The following LRP4 variants were observed in gnomAD, a reference collection of about 807,000 sequenced individuals.
LRP4 encodes LDL receptor related protein 4.
In LRP4, 95 loss-of-function variants were observed where a neutral mutation model predicts 220.3. The observed-to-expected ratio is 0.43, with a 90% CI of 0.37 to 0.51. LRP4 has a LOEUF of 0.51. Among genes scored for constraint, LRP4 ranks in the 20% least tolerant of loss-of-function variants. The probability of loss-of-function intolerance (pLI) is 0.00; values close to 1 mark genes in which losing one functional copy is unlikely to be tolerated. For missense variants in LRP4, 1,925 were observed against 2,567.0 expected (o/e 0.75, Z 5.40); for synonymous variants, 903 against 954.6 (o/e 0.95, Z 1.00).
chr11:46,879,258 T>C lies in LRP4; in HGVS notation c.2872A>G (p.Ile958Val). Residue 958 changes from isoleucine to valine, a missense_variant, in exon 21 of 38, where the codon ATC becomes GTC. Ile to Val is a conservative substitution (Grantham distance 29). This residue lies in a region of LRP4 where 1,244 missense variants were observed against 1,624.9 expected (regional missense o/e 0.77). Coordinates refer to ENST00000378623, the MANE Select transcript of LRP4 (RefSeq NM_002334.4). ...TTGGTCTGCCAGTCAGTCCAATAGA[T>C]GCGCTCTCCATAGAGGGTCAGCCCA... is the stretch of plus-strand genomic sequence containing the variant. ...PFGLTLYGERIYWTDWQTKSI... is the reference protein window; with the variant it reads ...PFGLTLYGERVYWTDWQTKSI... 1 of 1,614,232 alleles carries C rather than the reference T, an allele frequency of 6.2e-7. No individual in the cohort carries two copies. The highest frequency in any genetic ancestry group is 1.1e-5 in the South Asian group (1 of 91,078).
chr11:46,892,126 C>T (rs1941435257), intron 13 of LRP4, among the ~76,000 whole-genome samples: 2 of 151,860 alleles, frequency 1.3e-5, no homozygotes, highest in Admixed American at 6.6e-5. Flanking sequence ...AGAGATGAGG[C>T]CACACTATGT....
intron 2 of LRP4, 100 bp downstream of exon 2, chr11:46,902,683 C>T (rs572152314): frequency 3.5e-6 from 5 of 1,416,662 alleles, no homozygotes; most frequent in South Asian, 2.3e-5. Context: ...TCTCTGAGTC[C>T]GACACAGTTG....
Position 46,899,765 on chromosome 11 carries a change from G to T in LRP4, c.430+98C>A. On this transcript the variant is annotated intron_variant, in intron 4 of 37. Coordinates refer to ENST00000378623, the MANE Select transcript of LRP4 (RefSeq NM_002334.4). This position sits in a 1 kb window ranked among gnomAD's most constrained non-coding sequence, Gnocchi z 5.9. Reference sequence around the variant, plus strand: ...AGCTGCTCCAGATATCTGGGCAGTTGGAGGTTTGGCAGTGCTAGGGCCATT... The same window carrying T: ...AGCTGCTCCAGATATCTGGGCAGTTTGAGGTTTGGCAGTGCTAGGGCCATT... 9.8e-7 allele frequency: 1 copy of T among 1,017,778 alleles called. No homozygotes were observed. Among genetic ancestry groups the T allele is most frequent in the Non-Finnish European group, 1.5e-6 (1 of 645,856 alleles). The allele number at this position is 1,017,778 out of a possible 1,614,324, so 63.0% of individuals were successfully genotyped here. A position where few individuals can be genotyped will look rare whatever the true frequency, so the allele number is the denominator to read the frequency against.
chr11:46,868,931 G>A (rs1390488642), intron 32 of LRP4, 57 bp downstream of exon 32: 17 of 1,612,006 alleles, frequency 1.1e-5, no homozygotes, highest in Non-Finnish European at 1.4e-5. Flanking sequence ...CAGTCCTTGG[G>A]TTGACCGACC....
chr11:46,895,119 C>T (rs1439773313), intron 11 of LRP4, 47 bp downstream of exon 11: 2 of 1,611,470 alleles, frequency 1.2e-6, no homozygotes, highest in Admixed American at 1.7e-5. Context: ...TGGCCTTCCT[C>T]CATGCTCGGC....
intron 18 of LRP4, among the ~76,000 whole-genome samples, 153 bp downstream of exon 18, chr11:46,885,938 C>T (rs1383880271): frequency 6.6e-6 from 1 of 152,240 alleles, no homozygotes; most frequent in Non-Finnish European, 1.5e-5. Flanking sequence ...CACTTCGGCT[C>T]TGCAGCAGCC....
rs1264995174 is a variant in LRP4, at chr11:46,896,315, C to T, written c.943G>A (p.Asp315Asn). 1.2e-6 allele frequency: 2 copies of T among 1,614,066 alleles called. No homozygotes were observed. Among genetic ancestry groups the T allele is most frequent in the East Asian group, 4.5e-5 (2 of 44,884 alleles). The change falls in exon 9 of 38, where the codon GAC (aspartate) becomes AAC (asparagine). Residue 315 changes from aspartate to asparagine, a missense_variant. This residue lies in a region of LRP4 where 412 missense variants were observed against 505.4 expected (regional missense o/e 0.82). Coordinates refer to ENST00000378623, the MANE Select transcript of LRP4 (RefSeq NM_002334.4). ...ENTGSPQCAL[D>N]QFLCWNGRCI... is the part of the protein sequence containing the mutation. ...CGCCCATTCCAACACAGGAACTGGTCCAAGGCACATTGGGGGCTTCCTAGA... is the reference window on the plus strand; with the variant it reads ...CGCCCATTCCAACACAGGAACTGGTTCAAGGCACATTGGGGGCTTCCTAGA...
At chr11:46,917,414 C>T (rs759380700) in intron 1 of LRP4, among the ~76,000 whole-genome samples, 1 of 152,146 alleles carries the variant, frequency 6.6e-6, no homozygotes, top group Non-Finnish European at 1.5e-5. Flanking sequence ...ACGGGGTGCA[C>T]CCAGGGTCGT....
At chr11:46,914,670 C>T (rs923523964) in intron 1 of LRP4, among the ~76,000 whole-genome samples, 1 of 152,156 alleles carries the variant, frequency 6.6e-6, no homozygotes, top group Non-Finnish European at 1.5e-5. Context: ...TGTGACAAAA[C>T]TCGTGGCTAA....
chr11:46,915,510 C>A (rs1326982822), intron 1 of LRP4, among the ~76,000 whole-genome samples: 1 of 152,174 alleles, frequency 6.6e-6, no homozygotes, highest in Non-Finnish European at 1.5e-5. Flanking sequence ...CTAGGAAAAG[C>A]CCCAAGGACT....
At chr11:46,898,470 G>C (rs1941589625) in intron 7 of LRP4, 88 bp downstream of exon 7, 2 of 1,580,960 alleles carry the variant, frequency 1.3e-6, no homozygotes, top group Non-Finnish European at 1.7e-6. Flanking sequence ...ATAAGCATGA[G>C]CCACCGCGCC....
Position 46,886,162 on chromosome 11 carries a change from T to C in LRP4, c.2435A>G (p.Asp812Gly). The C allele has an allele frequency of 6.2e-7, 1 of 1,614,088 alleles. No individual in the cohort carries two copies. The highest frequency in any genetic ancestry group is 8.5e-7 in the Non-Finnish European group (1 of 1,179,960). The change falls in exon 18 of 38, where the codon GAT becomes GGT. Residue 812 changes from aspartate (D) to glycine (G), a missense_variant. Coordinates refer to ENST00000378623, the MANE Select transcript of LRP4 (RefSeq NM_002334.4). The stretch of plus-strand genomic sequence containing the variant: ...GCCAGCTGGGCTCTCCAAACTGGTA[T>C]CCACTACCACCTGGGCAGGAAGCAA... ...WDGTGQEVVV[D>G]TSLESPAGLA...
chr11:46,911,917 G>A (rs572731031), intron 1 of LRP4, among the ~76,000 whole-genome samples: 5 of 145,158 alleles, frequency 3.4e-5, no homozygotes, highest in African/African-American at 1.0e-4. Flanking sequence ...GTCTTGGCTC[G>A]CTGCAACCTC....
At chr11:46,887,621 A>G (rs1435031811) in intron 16 of LRP4, among the ~76,000 whole-genome samples, 1 of 152,128 alleles carries the variant, frequency 6.6e-6, no homozygotes, top group Non-Finnish European at 1.5e-5. Context: ...TCACGAGATC[A>G]GGAGTTTGAG....
At chr11:46,897,059 C>T (rs1283581914) in intron 7 of LRP4, 65 bp from the exon 8 acceptor site, 1 of 1,607,758 alleles carries the variant, frequency 6.2e-7, no homozygotes, top group Middle Eastern at 1.7e-4. Flanking sequence ...CCCTGCCACC[C>T]AAATCTGCAG....
At chr11:46,916,706 T>C (rs1941951422) in intron 1 of LRP4, among the ~76,000 whole-genome samples, 1 of 152,132 alleles carries the variant, frequency 6.6e-6, no homozygotes, top group Non-Finnish European at 1.5e-5. Flanking sequence ...CCCTAATTTT[T>C]TTTTTTTTTC....
At chr11:46,885,629 G>A (rs775939677) in intron 18 of LRP4, among the ~76,000 whole-genome samples, 6 of 152,036 alleles carry the variant, frequency 3.9e-5, no homozygotes, top group Admixed American at 1.3e-4. Context: ...AAACTTAGCC[G>A]GGCATGGTGG....
In LRP4 at chr11:46,873,592, G is replaced by A. The variant is rs1276522994; in HGVS notation, c.4231C>T (p.Arg1411Ter). Residue 1411 changes from arginine (R) to a stop codon, truncating the protein, a stop_gained and splice_region_variant, in exon 29 of 38, where the codon CGA becomes TGA. Coordinates refer to ENST00000378623, the MANE Select transcript of LRP4 (RefSeq NM_002334.4). LOFTEE classifies it high-confidence loss of function. The surrounding 1 kb of genome is among the most constrained non-coding windows in gnomAD (Gnocchi z 4.2). The stretch of plus-strand genomic sequence containing the variant: ...ATGTTGCTGCCGTTCAGGTCTGCTC[G>A]CCTTGGGGAGAGCCCAGTGTTGGAT... ...YTDVFLDVIRRADLNGSNMET... is the reference protein window; with the variant it reads ...YTDVFLDVIR 1.2e-6 allele frequency: 2 copies of A among 1,610,674 alleles called. No homozygotes were observed. The highest frequency in any genetic ancestry group is 2.2e-5 in the East Asian group (1 of 44,798).
intron 1 of LRP4, among the ~76,000 whole-genome samples, chr11:46,907,331 T>C (rs1182140700): frequency 6.6e-6 from 1 of 152,250 alleles, no homozygotes; most frequent in Non-Finnish European, 1.5e-5. Context: ...TTTTGGGATA[T>C]ATGTTAATGT....
Sources: allele counts gnomAD v4.1 joint callset (sites outside exome capture counted in the v4.1 genomes callset), GRCh38; gene constraint gnomAD v4.1.1; regional missense constraint gnomAD v4.1.1; non-coding constraint Gnocchi (gnomAD v3.1); transcripts MANE v1.5; gene names NCBI Gene and HGNC (gene_info 2026-07-23, HGNC 2026-07-21).